Variants in CSMD1 observed in about 807,000 individuals in gnomAD.
The protein encoded by CSMD1 is CUB and sushi domain-containing protein 1.
In CSMD1, 213 loss-of-function variants were observed where a neutral mutation model predicts 417.5. The ratio of observed to expected loss-of-function variants is 0.51; its 90% CI spans 0.46 to 0.57. The LOEUF is 0.57. Among genes scored for constraint, CSMD1 ranks in the 20% least tolerant of loss-of-function variants. CSMD1 has a pLI of 0.00. For synonymous variants in CSMD1, 2,862 were observed against 1,736.8 expected, an observed-to-expected ratio of 1.65 and a Z score of -16.11; for missense variants, 6,923 against 4,529.7, an observed-to-expected ratio of 1.53 and a Z score of -15.17.
At chr8:3,352,960 A>G (rs1472561991) in intron 21 of CSMD1, among the ~76,000 whole-genome samples, 1 of 152,232 alleles carries the variant, frequency 6.6e-6, no homozygotes, top group Admixed American at 6.5e-5. Context: ...CCCATGTTAC[A>G]GATGAGAAAA....
At chr8:4,200,578 C>CA (rs11427775) in intron 3 of CSMD1, among the ~76,000 whole-genome samples, 14,149 of 151,982 alleles carry the variant, frequency 0.093, 987 homozygotes, top group African/African-American at 0.19. Context: ...TAAATCTTGG[C>CA]GGGCCTGGAG....
At chr8:4,818,733 A>C (rs1799350435) in intron 1 of CSMD1, among the ~76,000 whole-genome samples, 1 of 152,214 alleles carries the variant, frequency 6.6e-6, no homozygotes, top group South Asian at 2.1e-4. Context: ...GTGCAAATGC[A>C]AACATAACTC....
At chr8:2,942,869 T>C (rs1585030569) in intron 68 of CSMD1, among the ~76,000 whole-genome samples, 1 of 152,334 alleles carries the variant, frequency 6.6e-6, no homozygotes, top group African/African-American at 2.4e-5. Flanking sequence ...AGGGTCAGTA[T>C]ACATCCTGAC....
intron 10 of CSMD1, among the ~76,000 whole-genome samples, chr8:3,504,207 C>G (rs1796727970): frequency 6.6e-6 from 1 of 151,888 alleles, no homozygotes; most frequent in African/African-American, 2.4e-5. Flanking sequence ...GCATGTACCC[C>G]ATAAACAGGT....
chr8:3,079,512 ATCAAGATAAAAGTC>A (rs1252185388), intron 49 of CSMD1, among the ~76,000 whole-genome samples: 1 of 152,260 alleles, frequency 6.6e-6, no homozygotes, highest in Non-Finnish European at 1.5e-5. Flanking sequence ...ATATAAAAAA[ATCAAGATAAAAGTC>A]TCAAATACCT....
At chr8:3,494,554 TGATAGATAGATA>T (rs71199579) in intron 10 of CSMD1, among the ~76,000 whole-genome samples, 16,992 of 145,556 alleles carry the variant, frequency 0.12, 1,044 homozygotes, top group Middle Eastern at 0.15. Flanking sequence ...ACAGATTAGA[TGATAGATAGATA>T]GATAGATAGA....
chr8:4,190,622 T>A (rs964678824), intron 3 of CSMD1, among the ~76,000 whole-genome samples: 2 of 151,442 alleles, frequency 1.3e-5, no homozygotes, highest in South Asian at 4.2e-4. Context: ...CTCAAAGGGG[T>A]TAAAGAATAA....
At chr8:4,236,042 T>C (rs1238850656) in intron 3 of CSMD1, among the ~76,000 whole-genome samples, 2 of 34,544 alleles carry the variant, frequency 5.8e-5, no homozygotes, top group African/African-American at 1.4e-4. Flanking sequence ...TTTGTTTGTT[T>C]TTTTTTTTTT....
chr8:4,909,720 T>G (rs1179514428), intron 1 of CSMD1, among the ~76,000 whole-genome samples: 1 of 152,186 alleles, frequency 6.6e-6, no homozygotes, highest in South Asian at 2.1e-4. Flanking sequence ...CTCATGAAAG[T>G]GACCATTTAA....
At chr8:3,205,252 C>G (rs1397445397) in intron 31 of CSMD1, among the ~76,000 whole-genome samples, 3 of 152,094 alleles carry the variant, frequency 2.0e-5, no homozygotes, top group Non-Finnish European at 4.4e-5. Flanking sequence ...AAGAAGAAAG[C>G]CAAATTAATT....
chr8:4,424,442 C>G (rs924250644), intron 2 of CSMD1, among the ~76,000 whole-genome samples: 2 of 151,980 alleles, frequency 1.3e-5, no homozygotes, highest in East Asian at 1.9e-4. Context: ...AATATTTACT[C>G]TACATCAATA....
intron 10 of CSMD1, among the ~76,000 whole-genome samples, chr8:3,539,337 C>T (rs903904944): frequency 2.0e-5 from 3 of 152,210 alleles, no homozygotes; most frequent in African/African-American, 7.2e-5. Context: ...TCTTTCTCTA[C>T]TCCTGGTTTT....
chr8:3,793,497 G>T (rs926103595), intron 5 of CSMD1, among the ~76,000 whole-genome samples: 45 of 143,686 alleles, frequency 3.1e-4, no homozygotes, highest in African/African-American at 1.1e-3. Flanking sequence ...GCCCTCTTGT[G>T]CCCCCCTCTC....
At chr8:3,747,653 G>T (rs1478537688) in intron 6 of CSMD1, among the ~76,000 whole-genome samples, 2 of 151,836 alleles carry the variant, frequency 1.3e-5, no homozygotes, top group African/African-American at 4.8e-5. Flanking sequence ...ATCTCCTCTG[G>T]ACGTTCTCTG....
At chr8:3,500,638 T>A (rs753967947) in intron 10 of CSMD1, among the ~76,000 whole-genome samples, 2 of 152,108 alleles carry the variant, frequency 1.3e-5, no homozygotes, top group African/African-American at 2.4e-5. Context: ...GAAAAATCCA[T>A]AAAACTAAAG....
At chr8:3,112,639 C>G (rs1420342193) in intron 42 of CSMD1, among the ~76,000 whole-genome samples, 1 of 152,128 alleles carries the variant, frequency 6.6e-6, no homozygotes, top group Non-Finnish European at 1.5e-5. Flanking sequence ...AGTAAGGGTG[C>G]CTGGGATGGA....
intron 12 of CSMD1, among the ~76,000 whole-genome samples, chr8:3,455,542 C>T (rs1816060932): frequency 6.6e-6 from 1 of 152,248 alleles, no homozygotes; most frequent in African/African-American, 2.4e-5. Flanking sequence ...TCAGGACCCT[C>T]AGCTGCAGGT....
intron 10 of CSMD1, among the ~76,000 whole-genome samples, chr8:3,541,585 TAAA>T (rs1798440724): frequency 7.5e-6 from 1 of 133,708 alleles, no homozygotes; most frequent in South Asian, 2.4e-4. Context: ...AAAAATAAAA[TAAA>T]AATAAAATAC....
intron 10 of CSMD1, among the ~76,000 whole-genome samples, chr8:3,545,410 G>A (rs542631029): frequency 2.0e-5 from 3 of 152,208 alleles, no homozygotes; most frequent in African/African-American, 2.4e-5. Flanking sequence ...TGTGATGTCT[G>A]ATGGTCCAAG....
Sources: gnomAD v4.1 joint callset for allele counts (sites outside exome capture counted in the v4.1 genomes callset) on GRCh38, gnomAD v4.1.1 for gene constraint, MANE v1.5 for transcripts, NCBI Gene and HGNC (gene_info 2026-07-23, HGNC 2026-07-21) for gene names.